GABRG3: variants seen among roughly 807,000 people sequenced by gnomAD.
The protein encoded by GABRG3 is gamma-aminobutyric acid type A receptor subunit gamma3.
A neutral mutation model predicts 48.8 loss-of-function variants in GABRG3; 25 were observed. That is an observed-to-expected ratio of 0.51 (90% CI 0.37 to 0.72). GABRG3 has a LOEUF of 0.72. GABRG3 is among the 30% of genes least tolerant of loss of function. The probability of loss-of-function intolerance (pLI) is 0.00; values close to 1 mark genes in which losing one functional copy is unlikely to be tolerated. For missense variants in GABRG3, 394 were observed against 577.9 expected, an observed-to-expected ratio of 0.68 and a Z score of 3.26; for synonymous variants, 227 against 217.6, an observed-to-expected ratio of 1.04 and a Z score of -0.38.
intron 3 of GABRG3, among the ~76,000 whole-genome samples, chr15:27,145,647 A>G (rs893378752): frequency 6.7e-6 from 1 of 149,950 alleles, no homozygotes; most frequent in African/African-American, 2.5e-5. Context: ...CTATCTATCT[A>G]TCTATCTATC....
At position 27,407,062 on chromosome 15, in the gene GABRG3, C is replaced by T. The variant is rs147158808; in HGVS notation, c.575-73588C>T. 6.1e-4 allele frequency among the ~76,000 whole-genome samples: 93 copies of T among 151,982 alleles called. 1 individual carries two copies. The highest frequency in any genetic ancestry group is 8.5e-4 in the Non-Finnish European group (58 of 67,980). Reference sequence around the variant, plus strand: ...CCTGCCTCACCCTCGGGAGTAGCTGCGATTAGGGGCACGTGCGACCACGGC... The same window carrying T: ...CCTGCCTCACCCTCGGGAGTAGCTGTGATTAGGGGCACGTGCGACCACGGC... On this transcript the variant is annotated intron_variant, in intron 5 of 9. Coordinates refer to ENST00000615808, the MANE Select transcript of GABRG3 (RefSeq NM_033223.5).
chr15:27,002,744 CAA>C (rs71413297), intron 2 of GABRG3, among the ~76,000 whole-genome samples: 2 of 25,440 alleles, frequency 7.9e-5, no homozygotes, highest in African/African-American at 1.6e-4. Flanking sequence ...CCGTGTCTCT[CAA>C]AAAAAAAAAA....
At chr15:27,004,959 C>T (rs1895554054) in intron 2 of GABRG3, among the ~76,000 whole-genome samples, 1 of 152,114 alleles carries the variant, frequency 6.6e-6, no homozygotes, top group Non-Finnish European at 1.5e-5. Flanking sequence ...CCCAGTGGCT[C>T]CATTGGCCCA....
At chr15:27,436,969 C>T (rs1449029884) in intron 5 of GABRG3, among the ~76,000 whole-genome samples, 1 of 135,826 alleles carries the variant, frequency 7.4e-6, no homozygotes, top group Non-Finnish European at 1.5e-5. Context: ...GCACTCCAGC[C>T]TGGGTGAGAC....
intron 3 of GABRG3, among the ~76,000 whole-genome samples, chr15:27,130,850 G>T (rs1383443115): frequency 6.6e-6 from 1 of 151,964 alleles, no homozygotes; most frequent in Non-Finnish European, 1.5e-5. Flanking sequence ...CTGATTTGGG[G>T]TGTTGACTTT....
At position 27,480,675 on chromosome 15, in the gene GABRG3, T is replaced by A. The variant is rs375229216; in HGVS notation, c.600T>A (p.Ile200=). Residue 200 remains isoleucine (I), a synonymous_variant, in exon 6 of 10, where the codon ATT becomes ATA. Coordinates refer to ENST00000615808, the MANE Select transcript of GABRG3 (RefSeq NM_033223.5). ...SSYGYPKEEM[I]YRWRKNSVEA... is the part of the protein sequence containing the mutation. Reference sequence around the variant, plus strand: ...ATGGCTATCCCAAAGAAGAAATGATTTATAGATGGAGAAAAAATTCAGTGG... The same window carrying A: ...ATGGCTATCCCAAAGAAGAAATGATATATAGATGGAGAAAAAATTCAGTGG... The A allele has an allele frequency of 6.2e-7, 1 of 1,611,320 alleles. No homozygotes were observed. The highest frequency in any genetic ancestry group is 1.1e-5 in the South Asian group (1 of 90,318).
rs116670607 is a variant in GABRG3 at position 27,095,193 on chromosome 15, A to G, written c.270+68372A>G. 5.4e-3 allele frequency among the ~76,000 whole-genome samples: 820 copies of G among 152,330 alleles called. 5 individuals are homozygous for G. The highest frequency in any genetic ancestry group is 0.019 in the African/African-American group (787 of 41,578). ...GGACTTAGACTGTCTTATCACCGTC[A>G]TGTCAGCAGCAAACAGCTCAGGCCC... On this transcript the variant is annotated intron_variant, in intron 3 of 9. Coordinates refer to ENST00000615808, the MANE Select transcript of GABRG3 (RefSeq NM_033223.5).
chr15:27,464,363 T>A (rs186150107), intron 5 of GABRG3, among the ~76,000 whole-genome samples: 106 of 152,350 alleles, frequency 7.0e-4, no homozygotes, highest in African/African-American at 2.4e-3. Flanking sequence ...TTATACATTA[T>A]GTGGTTTACT....
chr15:27,414,182 A>G (rs1887877480), intron 5 of GABRG3, among the ~76,000 whole-genome samples: 1 of 152,236 alleles, frequency 6.6e-6, no homozygotes, highest in Non-Finnish European at 1.5e-5. Flanking sequence ...AAATGATGTA[A>G]ACATTTTATT....
chr15:27,173,571 TTTG>T (rs1887641988), intron 3 of GABRG3, among the ~76,000 whole-genome samples: 1 of 152,104 alleles, frequency 6.6e-6, no homozygotes. Flanking sequence ...GTAAGAAAAT[TTTG>T]TTATGAAACA....
chr15:27,514,616 T>TTCA (rs1566874988), intron 6 of GABRG3, among the ~76,000 whole-genome samples: 4 of 152,202 alleles, frequency 2.6e-5, no homozygotes, highest in African/African-American at 7.2e-5. Flanking sequence ...TATAAAGAAA[T>TTCA]TCAATCAAGG....
At chr15:27,203,418 A>G (rs913941022) in intron 3 of GABRG3, among the ~76,000 whole-genome samples, 7 of 152,166 alleles carry the variant, frequency 4.6e-5, no homozygotes, top group Non-Finnish European at 8.8e-5. Flanking sequence ...ATATGTATGT[A>G]CCACTTTTTC....
intron 5 of GABRG3, among the ~76,000 whole-genome samples, chr15:27,354,125 C>T (rs1894750215): frequency 6.6e-6 from 1 of 152,162 alleles, no homozygotes; most frequent in Admixed American, 6.5e-5. Flanking sequence ...GGGGAATTTA[C>T]CCTCTAAGCC....
chr15:27,128,572 G>T (rs545618527), intron 3 of GABRG3, among the ~76,000 whole-genome samples: 1 of 152,174 alleles, frequency 6.6e-6, no homozygotes, highest in African/African-American at 2.4e-5. Flanking sequence ...GCATTGACAC[G>T]TTGCTGATAT....
chr15:27,524,527 A>C (rs1254283533), intron 7 of GABRG3, among the ~76,000 whole-genome samples: 1 of 152,172 alleles, frequency 6.6e-6, no homozygotes, highest in Non-Finnish European at 1.5e-5. Context: ...GCAAAAAATC[A>C]TAATGCTACT....
chr15:27,467,815 C>T (rs1218089468), intron 5 of GABRG3, among the ~76,000 whole-genome samples: 1 of 152,202 alleles, frequency 6.6e-6, no homozygotes, highest in East Asian at 1.9e-4. Context: ...GTCGTCTCCC[C>T]TAATCCACGT....
intron 3 of GABRG3, among the ~76,000 whole-genome samples, chr15:27,067,164 C>T (rs930783221): frequency 6.6e-6 from 1 of 152,160 alleles, no homozygotes; most frequent in Admixed American, 6.5e-5. Context: ...TCCCGTCCCT[C>T]CAGTGGGAGC....
At chr15:27,353,779 G>A (rs1056390454) in intron 5 of GABRG3, among the ~76,000 whole-genome samples, 5 of 152,060 alleles carry the variant, frequency 3.3e-5, no homozygotes, top group African/African-American at 1.2e-4. Flanking sequence ...TCCAGATCTT[G>A]GCTTCAAAGT....
At chr15:27,262,980 G>A (rs1890811489) in intron 3 of GABRG3, among the ~76,000 whole-genome samples, 1 of 152,116 alleles carries the variant, frequency 6.6e-6, no homozygotes, top group African/African-American at 2.4e-5. Flanking sequence ...GAGAGCTACT[G>A]GTTTTGAATC....
Sources: allele counts gnomAD v4.1 joint callset (sites outside exome capture counted in the v4.1 genomes callset), GRCh38; gene constraint gnomAD v4.1.1; transcripts MANE v1.5; gene names NCBI Gene and HGNC (gene_info 2026-07-23, HGNC 2026-07-21).